The following MYT1 variants were observed in gnomAD, a reference collection of about 807,000 sequenced individuals.
The protein encoded by MYT1 is myelin transcription factor 1.
MYT1 carries 23 observed loss-of-function variants against 123.0 expected under a neutral mutation model. The ratio of observed to expected loss-of-function variants is 0.19; its 90% CI spans 0.13 to 0.26. The LOEUF (loss-of-function observed/expected upper bound fraction) is 0.26. MYT1 is among the 10% of genes least tolerant of loss of function. The probability of loss-of-function intolerance (pLI) is 1.00; values close to 1 mark genes in which losing one functional copy is unlikely to be tolerated. For missense variants in MYT1, 1,125 were observed against 1,472.5 expected, an observed-to-expected ratio of 0.76 and a Z score of 3.86; for synonymous variants, 518 against 575.3, an observed-to-expected ratio of 0.90 and a Z score of 1.43.
rs534153711 is a variant in MYT1, at chr20:64,187,306, G to A, written c.-98-2757G>A. 1.2e-4 allele frequency among the ~76,000 whole-genome samples: 18 copies of A among 146,744 alleles called. 1 individual carries two copies. The highest frequency in any genetic ancestry group is 3.8e-4 in the African/African-American group (15 of 39,032). ...TCCGTGGAGAGTTTTCCTGTAGCAC[G>A]TGGCTCCGGCATCCACGTTTCCGTG... On this transcript the variant is annotated intron_variant, in intron 1 of 22. Transcript: ENST00000328439.
intron 19 of MYT1, among the ~76,000 whole-genome samples, chr20:64,235,253 C>T (rs113894667): frequency 9.8e-5 from 5 of 50,908 alleles, no homozygotes; most frequent in African/African-American, 2.4e-4. Flanking sequence ...TATGTGACCC[C>T]GGGATGGTCA....
rs767928978 is a variant in MYT1 at position 64,212,610 on chromosome 20, C to A, written c.1517+472C>A. Reference sequence around the variant, plus strand: ...GAGAGCCAGGTGAATACTTTGTGTCCTACCCACATTCAGAAAACCTCTGCA... The same window carrying A: ...GAGAGCCAGGTGAATACTTTGTGTCATACCCACATTCAGAAAACCTCTGCA... On this transcript the variant is annotated intron_variant, in intron 9 of 22. Coordinates refer to ENST00000328439, the MANE Select transcript of MYT1 (RefSeq NM_004535.3). The surrounding 1 kb of genome is among the most constrained non-coding windows in gnomAD (Gnocchi z 6.8). Among the ~76,000 whole-genome samples, 2 of 152,154 alleles carry A rather than the reference C, an allele frequency of 1.3e-5. No individual in the cohort carries two copies. Among genetic ancestry groups the A allele is most frequent in the Non-Finnish European group, 2.9e-5 (2 of 68,020 alleles).
rs896684062 is a variant in MYT1, at chr20:64,240,260, G to A, written c.3238-60G>A. 15 of 1,586,402 alleles carry A rather than the reference G, an allele frequency of 9.5e-6. No homozygotes were observed. The African/African-American group carries it at 1.9e-4, about 20-fold the overall frequency. On this transcript the variant is annotated intron_variant, in intron 22 of 22. Coordinates refer to ENST00000328439, the MANE Select transcript of MYT1 (RefSeq NM_004535.3). ...CATAGGTTTGATGCTCCCACATCAG[G>A]CTCTGCGGTGTGGGGCCCACTGCAT...
rs1185444142 is a variant in MYT1 at position 64,207,765 on chromosome 20, C to G, written c.569C>G (p.Pro190Arg). The G allele has an allele frequency of 1.2e-6, 2 of 1,613,792 alleles. No homozygotes were observed. Among genetic ancestry groups the G allele is most frequent in the Non-Finnish European group, 1.7e-6 (2 of 1,179,982 alleles). Residue 190 changes from proline to arginine, a missense_variant, in exon 7 of 23, where the codon CCA becomes CGA. This residue lies in a region of MYT1 where 406 missense variants were observed against 432.2 expected (regional missense o/e 0.94). Coordinates refer to ENST00000328439, the MANE Select transcript of MYT1 (RefSeq NM_004535.3). ...GAGGACTTGGGCCAGGCGGCCAAGC[C>G]AGGTCCTGGCATTGTGCACCTGCTT... ...VEEDLGQAAK[P>R]GPGIVHLLQE...
chr20:64,214,102 C>T (rs570383234), intron 10 of MYT1, among the ~76,000 whole-genome samples: 57 of 152,350 alleles, frequency 3.7e-4, no homozygotes, highest in African/African-American at 1.2e-3. Flanking sequence ...TGTCCCTCCC[C>T]GACCCCAGGG....
intron 2 of MYT1, among the ~76,000 whole-genome samples, chr20:64,194,851 GT>G (rs1051149457): frequency 2.3e-4 from 35 of 152,246 alleles, no homozygotes; most frequent in African/African-American, 8.2e-4. Context: ...CCCCTTAGAG[GT>G]TAGACACGAG....
intron 4 of MYT1, among the ~76,000 whole-genome samples, chr20:64,201,176 G>A (rs911389033): frequency 2.0e-5 from 3 of 152,190 alleles, no homozygotes; most frequent in African/African-American, 7.2e-5. Context: ...GGAGGAAGTC[G>A]AAAAGGCAAA....
intron 1 of MYT1, among the ~76,000 whole-genome samples, chr20:64,178,954 G>A: frequency 7.1e-6 from 1 of 140,340 alleles, no homozygotes; most frequent in East Asian, 2.3e-4. Flanking sequence ...ACCCTTCAAC[G>A]TGGGAGCACT....
intron 21 of MYT1, 103 bp from the exon 22 acceptor site, chr20:64,239,657 G>C (rs961252135): frequency 6.6e-7 from 1 of 1,522,412 alleles, no homozygotes; most frequent in Non-Finnish European, 8.9e-7. Context: ...CCCACCCCAG[G>C]GTTCTGCATT....
intron 21 of MYT1, among the ~76,000 whole-genome samples, chr20:64,238,523 A>AC (rs1227320709): frequency 2.0e-5 from 3 of 151,060 alleles, no homozygotes; most frequent in African/African-American, 4.9e-5. Context: ...AAATAGCATC[A>AC]CCCCACAGGG....
rs375643178 is a variant in MYT1, at chr20:64,205,760, G to T, written c.357G>T (p.Thr119=). 1 of 1,614,036 alleles carries T rather than the reference G, an allele frequency of 6.2e-7. No individual in the cohort carries two copies. The highest frequency in any genetic ancestry group is 8.5e-7 in the Non-Finnish European group (1 of 1,180,052). ...CTCTGGAGGGGGCCGAGGCTGAGAC[G>T]TCAGGACAGGACGAGATTCATCGCC... ...EGTLEGAEAE[T]SGQDEIHRPE... Residue 119 remains threonine, a synonymous_variant, in exon 6 of 23, where the codon ACG becomes ACT. Transcript: ENST00000328439.
rs543519200 is a variant in MYT1 at position 64,191,667 on chromosome 20, T to C, written c.-1+1507T>C. ...CTGGTGGCGAGAATGTACATTTTAA[T>C]GGGTCTGTTATAGACAACTTGCTGA... On this transcript the variant is annotated intron_variant, in intron 2 of 22. Transcript: ENST00000328439. This position sits in a 1 kb window ranked among gnomAD's most constrained non-coding sequence, Gnocchi z 4.1. 110 of 152,310 alleles carry C rather than the reference T, an allele frequency of 7.2e-4. No individual in the cohort carries two copies. Among genetic ancestry groups the C allele is most frequent in the African/African-American group, 2.4e-3 (100 of 41,562 alleles). The allele number at this position is 152,310 out of a possible 1,614,324, so 9.4% of individuals were successfully genotyped here. A position where few individuals can be genotyped will look rare whatever the true frequency, so the allele number is the denominator to read the frequency against.
intron 5 of MYT1, 39 bp downstream of exon 5, chr20:64,205,136 G>A (rs1190045011): frequency 1.2e-6 from 2 of 1,605,496 alleles, no homozygotes; most frequent in South Asian, 1.1e-5. Flanking sequence ...TTCCTGGGCG[G>A]TAGATTTGGA....
At chr20:64,234,722 A>AGTGATCCTGGGCTGGCCGTGGTAT (rs1984447070) in intron 19 of MYT1, among the ~76,000 whole-genome samples, 1 of 47,426 alleles carries the variant, frequency 2.1e-5, no homozygotes, top group African/African-American at 1.5e-4. Context: ...GAGCTGGCTG[A>AGTGATCCTGGGCTGGCCGTGGTAT]GTGACCCTGG....
In MYT1 at chr20:64,213,952, C is replaced by T. The variant is rs1021884556; in HGVS notation, c.1631+305C>T. Among the ~76,000 whole-genome samples, 2 of 152,222 alleles carry T rather than the reference C, an allele frequency of 1.3e-5. No individual in the cohort carries two copies. Among genetic ancestry groups the T allele is most frequent in the Non-Finnish European group, 1.5e-5 (1 of 68,050 alleles). On this transcript the variant is annotated intron_variant, in intron 10 of 22. Coordinates refer to ENST00000328439, the MANE Select transcript of MYT1 (RefSeq NM_004535.3). This position sits in a 1 kb window ranked among gnomAD's most constrained non-coding sequence, Gnocchi z 5.6. ...ACATGGGGCTCTGCCTCCTTGGAGT[C>T]GTCTGATGTGACCACTTGAGGCCCC...
At chr20:64,237,159 G>C (rs1984576557) in intron 20 of MYT1, 128 bp from the exon 21 acceptor site, 7 of 665,828 alleles carry the variant, frequency 1.1e-5, no homozygotes, top group Admixed American at 2.8e-5. Flanking sequence ...AGATGAGCTC[G>C]GAAAACCAGG....
intron 16 of MYT1, among the ~76,000 whole-genome samples, chr20:64,224,052 G>C (rs1294129851): frequency 2.6e-5 from 4 of 152,210 alleles, no homozygotes; most frequent in Non-Finnish European, 5.9e-5. Context: ...GTGTCCTCCT[G>C]GGGCTGGAGT....
Position 64,242,093 on chromosome 20 carries a change from A to C in MYT1, c.*1645A>C, listed in dbSNP as rs1478526778. The C allele has an allele frequency of 1.3e-5, 2 of 152,654 alleles. No homozygotes were observed. Among genetic ancestry groups the C allele is most frequent in the East Asian group, 3.9e-4 (2 of 5,174 alleles). The allele number at this position is 152,654 out of a possible 1,614,324, so 9.5% of individuals were successfully genotyped here. ...GTTGCTGTGAGGGAGTGCTGGCCGC[A>C]GGCAGCCTCGAGTCACCGCCAGGCT... On this transcript the variant is annotated 3_prime_UTR_variant, in exon 23 of 23. Coordinates refer to ENST00000328439, the MANE Select transcript of MYT1 (RefSeq NM_004535.3).
chr20:64,227,539 A>G, intron 17 of MYT1, 62 bp downstream of exon 17: 1 of 1,457,316 alleles, frequency 6.9e-7, no homozygotes, highest in Non-Finnish European at 9.5e-7. Flanking sequence ...TCTTCCTTAT[A>G]TGAAGATTAG....
Sources: gnomAD v4.1 joint callset for allele counts (sites outside exome capture counted in the v4.1 genomes callset) on GRCh38, gnomAD v4.1.1 for gene constraint, gnomAD v4.1.1 regional missense constraint, Gnocchi (gnomAD v3.1) non-coding constraint, MANE v1.5 for transcripts, NCBI Gene and HGNC (gene_info 2026-07-23, HGNC 2026-07-21) for gene names.